Variants in COG7 observed in about 807,000 individuals in gnomAD.
The protein encoded by COG7 is component of oligomeric golgi complex 7, also known as conserved oligomeric Golgi complex subunit 7.
COG7 carries 49 observed loss-of-function variants against 91.5 expected under a neutral mutation model. That is an observed-to-expected ratio of 0.54 (90% CI 0.43 to 0.68). COG7 has a LOEUF of 0.68. Among genes scored for constraint, COG7 ranks in the 30% least tolerant of loss-of-function variants. The pLI, the probability that COG7 is intolerant of heterozygous loss-of-function variation, is 0.00. For missense variants in COG7, 895 were observed against 961.3 expected, an observed-to-expected ratio of 0.93 and a Z score of 0.91; for synonymous variants, 365 against 388.7, an observed-to-expected ratio of 0.94 and a Z score of 0.72.
chr16:23,445,291 C>T, intron 2 of COG7, 127 bp from the exon 3 acceptor site: 1 of 776,098 alleles, frequency 1.3e-6, no homozygotes, highest in Non-Finnish European at 2.4e-6. Context: ...CCCAAAACAC[C>T]AATCATCTGG....
chr16:23,436,256 T>C lies in COG7; in HGVS notation c.605-1538A>G, dbSNP rs147633737. ...AATTCTATAAATTGGGTTTGACCAG[T>C]GAGAAGCAAAAAAATTAATTAAAAT... On this transcript the variant is annotated intron_variant, in intron 4 of 16. Coordinates refer to ENST00000307149, the MANE Select transcript of COG7 (RefSeq NM_153603.4). 6.3e-3 allele frequency among the ~76,000 whole-genome samples: 965 copies of C among 152,214 alleles called. 11 individuals carry two copies. Among genetic ancestry groups the C allele is most frequent in the African/African-American group, 0.022 (931 of 41,538 alleles).
chr16:23,445,728 G>T, intron 2 of COG7, 85 bp downstream of exon 2: 2 of 1,350,918 alleles, frequency 1.5e-6, no homozygotes, highest in Non-Finnish European at 2.1e-6. Flanking sequence ...AAAACACCGT[G>T]CTGTTCTAAA....
chr16:23,393,975 G>A (rs953333424), intron 14 of COG7, among the ~76,000 whole-genome samples: 5 of 151,634 alleles, frequency 3.3e-5, no homozygotes, highest in African/African-American at 9.7e-5. Flanking sequence ...CGGCGGGGGC[G>A]GAGGTTGCAG....
At chr16:23,438,971 A>G (rs1596951669) in intron 4 of COG7, among the ~76,000 whole-genome samples, 1 of 151,964 alleles carries the variant, frequency 6.6e-6, no homozygotes, top group Non-Finnish European at 1.5e-5. Context: ...CAGCCTGGCC[A>G]ACATGGTGAA....
At chr16:23,437,486 T>C (rs1404374231) in intron 4 of COG7, among the ~76,000 whole-genome samples, 3 of 151,894 alleles carry the variant, frequency 2.0e-5, no homozygotes. Context: ...TAGAATTCTG[T>C]GAATGAAGAA....
chr16:23,417,359 T>C, intron 8 of COG7: 1 of 567,114 alleles, frequency 1.8e-6, no homozygotes. Flanking sequence ...TCTGTCTACT[T>C]GATCCTAATG....
At chr16:23,391,673 C>T (rs535460659) in intron 16 of COG7, among the ~76,000 whole-genome samples, 1 of 152,300 alleles carries the variant, frequency 6.6e-6, no homozygotes, top group South Asian at 2.1e-4. Context: ...TCCTGACCAC[C>T]CCGAGAGGTG....
rs775141722 is a variant in COG7 at position 23,410,376 on chromosome 16, A to AG, written c.1410-17dup. 7.8e-5 allele frequency: 126 copies of AG among 1,611,022 alleles called. 1 individual carries two copies. In the South Asian group the frequency reaches 9.4e-4, roughly 12 times the overall value. ...GGCTATTATCCTAAACAAAACAAAA[A>AG]GCACTTCAAGTTCAAGTATCTGGAA... On this transcript the variant is annotated splice_polypyrimidine_tract_variant and intron_variant, in intron 10 of 16. Transcript: ENST00000307149.
rs975481067 is a variant in COG7, at chr16:23,453,176, T to G, written c.-182A>C. The G allele has an allele frequency of 8.0e-6, 11 of 1,368,680 alleles. No individual in the cohort carries two copies. The highest frequency in any genetic ancestry group is 9.6e-6 in the Non-Finnish European group (10 of 1,039,198). 84.8% of individuals were successfully genotyped at this position (1,368,680 alleles called of 1,614,324 possible). A position where few individuals can be genotyped will look rare whatever the true frequency, so the allele number is the denominator to read the frequency against. On this transcript the variant is annotated 5_prime_UTR_variant, in exon 1 of 17. Coordinates refer to ENST00000307149, the MANE Select transcript of COG7 (RefSeq NM_153603.4). ...CCGCTCAGCGCACTCAGTTTGCGGC[T>G]GGGAATGACCCTCGCCGCCCGCCGT...
chr16:23,398,009 C>A, intron 14 of COG7, 37 bp downstream of exon 14: 1 of 1,567,360 alleles, frequency 6.4e-7, no homozygotes, highest in Non-Finnish European at 8.8e-7. Flanking sequence ...GTCTGAAAGA[C>A]TTGGACCACC....
chr16:23,428,744 T>G (rs913597613), intron 6 of COG7, among the ~76,000 whole-genome samples: 1 of 149,872 alleles, frequency 6.7e-6, no homozygotes, highest in African/African-American at 2.5e-5. Context: ...CAGGCTGGAG[T>G]GCAATGGTGC....
At chr16:23,405,177 T>C (rs1437924108) in intron 12 of COG7, among the ~76,000 whole-genome samples, 1 of 152,036 alleles carries the variant, frequency 6.6e-6, no homozygotes, top group Non-Finnish European at 1.5e-5. Context: ...AACTAAGAGT[T>C]TAAAGAAAAA....
rs1417706117 is a variant in COG7 at position 23,445,830 on chromosome 16, T to C, written c.301A>G (p.Thr101Ala). The C allele has an allele frequency of 1.9e-6, 3 of 1,613,600 alleles. No homozygotes were observed. The highest frequency in any genetic ancestry group is 2.5e-6 in the Non-Finnish European group (3 of 1,179,872). The change falls in exon 2 of 17, where the codon ACA becomes GCA. Residue 101 changes from threonine (T) to alanine (A), a missense_variant. Thr to Ala is a moderately conservative substitution (Grantham distance 58). Coordinates refer to ENST00000307149, the MANE Select transcript of COG7 (RefSeq NM_153603.4). Reference protein sequence around the residue: ...KEDIKKFEQDTSQSMQVLVEI... With the variant: ...KEDIKKFEQDASQSMQVLVEI... The stretch of plus-strand genomic sequence containing the variant: ...CAAAATACCTGCATGGATTGAGATG[T>C]GTCCTGTTCAAATTTTTTAATGTCC...
At chr16:23,395,559 C>T (rs1402531176) in intron 14 of COG7, among the ~76,000 whole-genome samples, 1 of 152,234 alleles carries the variant, frequency 6.6e-6, no homozygotes, top group African/African-American at 2.4e-5. Flanking sequence ...CTTTCACCAA[C>T]AAGGCAAAGT....
At chr16:23,420,184 C>T (rs1477253187) in intron 7 of COG7, among the ~76,000 whole-genome samples, 3 of 152,138 alleles carry the variant, frequency 2.0e-5, no homozygotes, top group South Asian at 2.1e-4. Context: ...AAAATTCCTA[C>T]GTTCAACCAC....
chr16:23,407,112 A>T (rs1459964506), intron 11 of COG7, among the ~76,000 whole-genome samples: 1 of 152,198 alleles, frequency 6.6e-6, no homozygotes, highest in Non-Finnish European at 1.5e-5. Context: ...AGTTTTTAGG[A>T]TGCACTCACT....
At chr16:23,433,221 C>T (rs1219995971) in intron 6 of COG7, among the ~76,000 whole-genome samples, 1 of 152,032 alleles carries the variant, frequency 6.6e-6, no homozygotes, top group Non-Finnish European at 1.5e-5. Flanking sequence ...CTTCCTGCCT[C>T]GGTCTCCTTA....
chr16:23,438,819 C>A (rs968416910), intron 4 of COG7, among the ~76,000 whole-genome samples: 2 of 151,860 alleles, frequency 1.3e-5, no homozygotes, highest in Non-Finnish European at 1.5e-5. Flanking sequence ...AATGGTGCAG[C>A]CACTATGGAG....
intron 4 of COG7, among the ~76,000 whole-genome samples, chr16:23,435,162 G>A (rs1006688710): frequency 7.9e-5 from 12 of 152,230 alleles, no homozygotes; most frequent in South Asian, 2.1e-4. Flanking sequence ...TCAGGAGTTC[G>A]AGACCAGCCT....
Sources: allele counts gnomAD v4.1 joint callset (sites outside exome capture counted in the v4.1 genomes callset), GRCh38; gene constraint gnomAD v4.1.1; transcripts MANE v1.5; gene names NCBI Gene and HGNC (gene_info 2026-07-23, HGNC 2026-07-21).